THRB: variants seen among roughly 807,000 people sequenced by gnomAD.
THRB encodes thyroid hormone receptor beta, also known as nuclear receptor subfamily 1 group A member 2.
Under a neutral mutation model 47.8 loss-of-function variants are expected in THRB, and 12 were observed. The ratio of observed to expected loss-of-function variants is 0.25; its 90% confidence interval spans 0.16 to 0.41. The LOEUF (loss-of-function observed/expected upper bound fraction) is 0.41, where lower values mean the gene tolerates loss of function less well. THRB is among the 10% of genes least tolerant of loss of function. THRB has a pLI of 1.00. For missense variants in THRB, 348 were observed against 589.2 expected (o/e 0.59, Z 4.24); for synonymous variants, 218 against 212.2 (o/e 1.03, Z -0.24).
At chr3:24,194,099 T>C (rs1342432010) in intron 4 of THRB, among the ~76,000 whole-genome samples, 2 of 152,146 alleles carry the variant, frequency 1.3e-5, no homozygotes, top group Non-Finnish European at 2.9e-5. Context: ...ATAAGAATGA[T>C]ACATTGGACT....
intron 5 of THRB, among the ~76,000 whole-genome samples, chr3:24,174,876 C>A (rs2040933668): frequency 6.6e-6 from 1 of 152,158 alleles, no homozygotes; most frequent in South Asian, 2.1e-4. Flanking sequence ...TGCCCACAGT[C>A]ATAAGACTGA....
intron 5 of THRB, among the ~76,000 whole-genome samples, chr3:24,161,839 C>G (rs1409878239): frequency 7.1e-6 from 1 of 141,612 alleles, no homozygotes; most frequent in East Asian, 2.4e-4. Context: ...CCCCCACCCC[C>G]ACCCCCATCT....
chr3:24,369,109 C>T (rs750687150), intron 1 of THRB, among the ~76,000 whole-genome samples: 61 of 152,236 alleles, frequency 4.0e-4, no homozygotes, highest in African/African-American at 1.2e-3. Flanking sequence ...TCAAGCAATC[C>T]TCCCTCCTCA....
chr3:24,259,844 T>C (rs966138469), intron 3 of THRB, among the ~76,000 whole-genome samples: 2 of 152,092 alleles, frequency 1.3e-5, no homozygotes, highest in East Asian at 3.9e-4. Flanking sequence ...TCTATACAAA[T>C]AGATTAATTA....
intron 1 of THRB, among the ~76,000 whole-genome samples, chr3:24,454,347 T>C (rs1373977444): frequency 2.0e-5 from 3 of 152,172 alleles, no homozygotes; most frequent in Non-Finnish European, 4.4e-5. Flanking sequence ...GATTAGTTGT[T>C]GCCCAGAGCT....
At chr3:24,220,207 G>A (rs1225095336) in intron 4 of THRB, among the ~76,000 whole-genome samples, 1 of 152,088 alleles carries the variant, frequency 6.6e-6, no homozygotes, top group African/African-American at 2.4e-5. Context: ...AGCTCCTAGA[G>A]TGGCCAGGTG....
intron 2 of THRB, among the ~76,000 whole-genome samples, chr3:24,333,822 T>C (rs1449346226): frequency 6.6e-6 from 1 of 152,264 alleles, no homozygotes; most frequent in African/African-American, 2.4e-5. Context: ...CATTTTGTCC[T>C]TTCTGAAGAA....
intron 3 of THRB, among the ~76,000 whole-genome samples, chr3:24,291,896 TTATGTAAATATA>T (rs774928548): frequency 1.3e-4 from 20 of 152,180 alleles, no homozygotes; most frequent in Admixed American, 3.9e-4. Context: ...ACATAGTCAT[TTATGTAAATATA>T]TATGTATATA....
chr3:24,336,269 A>G (rs1233435825), intron 2 of THRB, among the ~76,000 whole-genome samples: 2 of 152,196 alleles, frequency 1.3e-5, no homozygotes, highest in Admixed American at 1.3e-4. Flanking sequence ...ACTGGTTACA[A>G]TCAGATAGCA....
chr3:24,305,704 G>C (rs1389030504), intron 2 of THRB, among the ~76,000 whole-genome samples: 1 of 152,182 alleles, frequency 6.6e-6, no homozygotes, highest in African/African-American at 2.4e-5. Flanking sequence ...CAAATTTCAG[G>C]CATTTCACAT....
intron 3 of THRB, among the ~76,000 whole-genome samples, chr3:24,250,185 T>C (rs2050522879): frequency 6.6e-6 from 1 of 152,192 alleles, no homozygotes; most frequent in Non-Finnish European, 1.5e-5. Flanking sequence ...TAAAACATCT[T>C]AGTATTAGAT....
chr3:24,192,094 T>A (rs78028631), intron 4 of THRB, among the ~76,000 whole-genome samples: 2,136 of 152,280 alleles, frequency 0.014, 45 homozygotes, highest in East Asian at 0.043. Context: ...ATCAAAAAGG[T>A]GTGGACTTCT....
At chr3:24,402,540 C>A (rs1470404138) in intron 1 of THRB, among the ~76,000 whole-genome samples, 1 of 124,534 alleles carries the variant, frequency 8.0e-6, no homozygotes, top group African/African-American at 3.0e-5. Context: ...TCCTCAATAA[C>A]AAAAGTAGAA....
chr3:24,168,449 G>A, intron 5 of THRB, among the ~76,000 whole-genome samples: 1 of 147,654 alleles, frequency 6.8e-6, no homozygotes, highest in East Asian at 2.0e-4. Context: ...AATAAACTCA[G>A]GAGGACTTTA....
chr3:24,388,501 G>C (rs1463743532), intron 1 of THRB, among the ~76,000 whole-genome samples: 1 of 152,114 alleles, frequency 6.6e-6, no homozygotes, highest in Non-Finnish European at 1.5e-5. Flanking sequence ...TTGGTCCCTA[G>C]AACTGTTTTG....
At chr3:24,170,187 G>A (rs549661564) in intron 5 of THRB, among the ~76,000 whole-genome samples, 2 of 152,172 alleles carry the variant, frequency 1.3e-5, no homozygotes, top group African/African-American at 4.8e-5. Context: ...CATCCACCTG[G>A]GAGCTTAAGC....
In THRB at chr3:24,296,880, G is replaced by A. The variant is rs542482120; in HGVS notation, c.-43+346C>T. On this transcript the variant is annotated intron_variant, in intron 3 of 10. Coordinates refer to ENST00000646209, the MANE Select transcript of THRB (RefSeq NM_001354712.2). ...ACTGATTTTGTGACTTCCTGCCGAA[G>A]AGCCCTTTAGCAAGGTGATTTCTCA... Among the ~76,000 whole-genome samples the A allele has an allele frequency of 2.0e-5, 3 of 152,346 alleles. No individual in the cohort carries two copies. In the South Asian group the frequency reaches 6.2e-4, roughly 32 times the overall value.
intron 2 of THRB, among the ~76,000 whole-genome samples, chr3:24,311,065 C>T (rs1255548945): frequency 2.0e-5 from 3 of 152,076 alleles, no homozygotes; most frequent in African/African-American, 7.2e-5. Flanking sequence ...TTCACAAGTC[C>T]ATTAAGCTTA....
chr3:24,182,714 C>A (rs921352612), intron 5 of THRB, among the ~76,000 whole-genome samples: 1 of 152,138 alleles, frequency 6.6e-6, no homozygotes, highest in Non-Finnish European at 1.5e-5. Context: ...ATTTTACAGA[C>A]GAGAAAACTG....
Sources: gnomAD v4.1 joint callset for allele counts (sites outside exome capture counted in the v4.1 genomes callset) on GRCh38, gnomAD v4.1.1 for gene constraint, MANE v1.5 for transcripts, NCBI Gene and HGNC (gene_info 2026-07-23, HGNC 2026-07-21) for gene names.